The following PCIF1 variants were observed in gnomAD, a reference collection of about 807,000 sequenced individuals.
The protein encoded by PCIF1 is mRNA (2'-O-methyladenosine-N(6)-)-methyltransferase.
In PCIF1, 12 loss-of-function variants were observed where a neutral mutation model predicts 86.9. The observed-to-expected ratio is 0.14, with a 90% CI of 0.09 to 0.22. The LOEUF is 0.22. Among genes scored for constraint, PCIF1 ranks in the 10% least tolerant of loss-of-function variants. The pLI is 1.00. For synonymous variants in PCIF1, 397 were observed against 372.0 expected (o/e 1.07, Z -0.77); for missense variants, 701 against 951.1 (o/e 0.74, Z 3.46).
intron 10 of PCIF1, among the ~76,000 whole-genome samples, chr20:45,944,465 T>C (rs1054225790): frequency 1.3e-5 from 2 of 152,204 alleles, no homozygotes; most frequent in Admixed American, 1.3e-4. Flanking sequence ...GCACCCTGTT[T>C]TGTAATTGTG....
At position 45,939,358 on chromosome 20, in the gene PCIF1, T is replaced by G. The variant is rs765021613; in HGVS notation, c.249+19T>G. ...TGTGATTGTGAGTGCCAGCCTAGGG[T>G]GGGGGGGTCTCAGAGTGGCCTCTGG... is the stretch of plus-strand genomic sequence containing the variant. On this transcript the variant is annotated intron_variant, in intron 4 of 16. Transcript: ENST00000372409. 8.7e-6 allele frequency: 14 copies of G among 1,612,200 alleles called. No individual in the cohort carries two copies. In the African/African-American group the frequency reaches 9.4e-5, roughly 11 times the overall value.
At chr20:45,942,006 C>T (rs1442746856) in intron 7 of PCIF1, among the ~76,000 whole-genome samples, 5 of 142,394 alleles carry the variant, frequency 3.5e-5, no homozygotes, top group African/African-American at 1.3e-4. Context: ...GACGGCGTCT[C>T]GCTCTGTCGC....
intron 14 of PCIF1, 121 bp downstream of exon 14, chr20:45,946,505 A>T: frequency 8.5e-7 from 1 of 1,181,930 alleles, no homozygotes. Context: ...TCCACCTCTT[A>T]CCGGCTATGT....
At chr20:45,944,281 C>T (rs2083501815) in intron 10 of PCIF1, among the ~76,000 whole-genome samples, 1 of 152,274 alleles carries the variant, frequency 6.6e-6, no homozygotes, top group Non-Finnish European at 1.5e-5. Flanking sequence ...TCGCACTTCA[C>T]GATAGTAACT....
At chr20:45,944,041 G>C (rs1294062598) in intron 10 of PCIF1, among the ~76,000 whole-genome samples, 2 of 152,072 alleles carry the variant, frequency 1.3e-5, no homozygotes, top group African/African-American at 2.4e-5. Context: ...TCAGCCTAAT[G>C]AATGTTCAGC....
chr20:45,938,002 G>C (rs1038348818), intron 2 of PCIF1: 3 of 155,656 alleles, frequency 1.9e-5, no homozygotes, highest in African/African-American at 7.2e-5. Flanking sequence ...TTGTGGTCTT[G>C]TTGTGGGCAA....
chr20:45,934,921 C>T (rs2083403610), intron 1 of PCIF1, 117 bp downstream of exon 1: 3 of 396,478 alleles, frequency 7.6e-6, no homozygotes, highest in South Asian at 2.7e-4. Flanking sequence ...CTTGCCCTGT[C>T]TCTGTTGCCG....
chr20:45,937,312 T>C, intron 1 of PCIF1, 106 bp from the exon 2 acceptor site: 1 of 398,244 alleles, frequency 2.5e-6, no homozygotes, highest in Non-Finnish European at 4.4e-6. Flanking sequence ...CCTCTCCCGG[T>C]GTGTCCTGCC....
At position 45,947,640 on chromosome 20, in the gene PCIF1, A is replaced by C. The variant is rs927357002; in HGVS notation, c.2000A>C (p.Tyr667Ser). The C allele has an allele frequency of 6.2e-7, 1 of 1,612,418 alleles. No individual in the cohort carries two copies. The highest frequency in any genetic ancestry group is 8.5e-7 in the Non-Finnish European group (1 of 1,179,914). ...PERLQELSAAYRQSGRSHSSG... is the reference protein window; with the variant it reads ...PERLQELSAASRQSGRSHSSG... ...CGGCTGCAGGAGCTGAGTGCTGCCT[A>C]CCGGCAGTCAGGCCGCAGCCACAGC... Residue 667 changes from tyrosine (Y) to serine (S), a missense_variant, in exon 17 of 17, where the codon TAC (tyrosine) becomes TCC (serine). Around this residue, in one of 7 missense-constraint regions of PCIF1, gnomAD observed 174 missense variants for 206.9 expected, o/e 0.84. Coordinates refer to ENST00000372409, the MANE Select transcript of PCIF1 (RefSeq NM_022104.4). The surrounding 1 kb of genome is among the most constrained non-coding windows in gnomAD (Gnocchi z 5.4).
chr20:45,943,448 G>A lies in PCIF1; in HGVS notation c.905+25G>A, dbSNP rs765943938. On this transcript the variant is annotated intron_variant, in intron 9 of 16. Coordinates refer to ENST00000372409, the MANE Select transcript of PCIF1 (RefSeq NM_022104.4). The surrounding 1 kb of genome is among the most constrained non-coding windows in gnomAD (Gnocchi z 5.5). ...GGTTTGCCTGTCTTCTGCCCCAGGC[G>A]AGATGGGTCTGTGATTAAAGTGGCA... The A allele has an allele frequency of 1.7e-5, 28 of 1,601,994 alleles. No homozygotes were observed. The highest frequency in any genetic ancestry group is 2.2e-5 in the South Asian group (2 of 90,784).
chr20:45,935,324 G>GC (rs538907895), intron 1 of PCIF1, among the ~76,000 whole-genome samples: 1 of 152,302 alleles, frequency 6.6e-6, no homozygotes, highest in East Asian at 1.9e-4. Flanking sequence ...AGATGGTCCC[G>GC]CCCCACGTGC....
At position 45,945,797 on chromosome 20, in the gene PCIF1, G is replaced by A. The variant is rs762832749; in HGVS notation, c.1255G>A (p.Val419Met). The A allele has an allele frequency of 3.1e-6, 5 of 1,613,780 alleles. No individual in the cohort carries two copies. In the African/African-American group the frequency reaches 4.0e-5, roughly 13 times the overall value. The change falls in exon 12 of 17, where the codon GTG (valine) becomes ATG (methionine). Residue 419 changes from valine (V) to methionine (M), a missense_variant. Around this residue, in one of 7 missense-constraint regions of PCIF1, gnomAD observed 121 missense variants for 131.7 expected, o/e 0.92. Coordinates refer to ENST00000372409, the MANE Select transcript of PCIF1 (RefSeq NM_022104.4). The part of the protein sequence containing the change: ...LAVSAPPMPS[V>M]EMHMENNVVC... ...TGTGTCTGCACCGCCCATGCCCAGC[G>A]TGGAGATGCACATGGAGAACAACGT...
chr20:45,945,648 G>C, intron 11 of PCIF1, 63 bp from the exon 12 acceptor site: 1 of 1,568,758 alleles, frequency 6.4e-7, no homozygotes, highest in Non-Finnish European at 8.7e-7. Flanking sequence ...AAAGCATGTG[G>C]CCCACAGTGG....
rs755892346 is a variant in PCIF1, at chr20:45,944,860, T to A, written c.1006-8T>A. 5.6e-6 allele frequency: 9 copies of A among 1,611,004 alleles called. No homozygotes were observed. In the South Asian group the frequency reaches 9.9e-5, roughly 18 times the overall value. On this transcript the variant is annotated splice_region_variant and splice_polypyrimidine_tract_variant and intron_variant, in intron 10 of 16. Transcript: ENST00000372409. ...CACTAGCGCCCTGATCCAGAATGTGTCCTCTAGGATCGCCTGGAGCATCTG... is the reference window on the plus strand; with the variant it reads ...CACTAGCGCCCTGATCCAGAATGTGACCTCTAGGATCGCCTGGAGCATCTG...
Position 45,945,856 on chromosome 20 carries a change from G to C in PCIF1, c.1314G>C (p.Lys438Asn). 6.2e-7 allele frequency: 1 copy of C among 1,613,834 alleles called. No individual in the cohort carries two copies. The highest frequency in any genetic ancestry group is 8.5e-7 in the Non-Finnish European group (1 of 1,180,036). The change falls in exon 12 of 17, where the codon AAG becomes AAC. Residue 438 changes from lysine to asparagine, a missense_variant. By Grantham distance (94) the Lys-to-Asn change is moderately conservative. This residue lies in a region of PCIF1 where 121 missense variants were observed against 131.7 expected (regional missense o/e 0.92). Transcript: ENST00000372409. ...VCIRYKGEMV[K>N]VSRNYFSKLW... ...TCCGGTATAAGGGAGAGATGGTCAA[G>C]GTCAGCCGCAACTACTTCAGCAAGC... is the stretch of plus-strand genomic sequence containing the variant.
intron 1 of PCIF1, among the ~76,000 whole-genome samples, chr20:45,935,990 A>G (rs2083422318): frequency 6.6e-6 from 1 of 151,928 alleles, no homozygotes; most frequent in African/African-American, 2.4e-5. Context: ...TGGGGAAAAT[A>G]TTTTTCAATA....
rs2083498796 is a variant in PCIF1, at chr20:45,943,932, A to C, written c.1005+167A>C. On this transcript the variant is annotated intron_variant, in intron 10 of 16. Coordinates refer to ENST00000372409, the MANE Select transcript of PCIF1 (RefSeq NM_022104.4). The surrounding 1 kb of genome is among the most constrained non-coding windows in gnomAD (Gnocchi z 5.5). ...TCAGTCCCCAAACTCATGACTGTGG[A>C]GATGTTTCTCTGGGCTCCTGGCTTT... Among the ~76,000 whole-genome samples the C allele has an allele frequency of 6.6e-6, 1 of 152,120 alleles. No individual in the cohort carries two copies. The highest frequency in any genetic ancestry group is 2.4e-5 in the African/African-American group (1 of 41,432).
At chr20:45,942,253 C>T (rs1424695503) in intron 7 of PCIF1, among the ~76,000 whole-genome samples, 1 of 148,364 alleles carries the variant, frequency 6.7e-6, no homozygotes, top group Non-Finnish European at 1.5e-5. Flanking sequence ...GGATTACAGG[C>T]GTGAGCTACC....
At chr20:45,945,919 C>T in intron 12 of PCIF1, 36 bp downstream of exon 12, 2 of 1,613,170 alleles carry the variant, frequency 1.2e-6, no homozygotes, top group Middle Eastern at 1.7e-4. Context: ...TAGCTGATGG[C>T]ATGAGTCAGG....
Sources: gnomAD v4.1 joint callset for allele counts (sites outside exome capture counted in the v4.1 genomes callset) on GRCh38, gnomAD v4.1.1 for gene constraint, gnomAD v4.1.1 regional missense constraint, Gnocchi (gnomAD v3.1) non-coding constraint, MANE v1.5 for transcripts, NCBI Gene and HGNC (gene_info 2026-07-23, HGNC 2026-07-21) for gene names.